SGCD: variants seen among roughly 807,000 people sequenced by gnomAD.
The protein encoded by SGCD is delta-sarcoglycan.
Under a neutral mutation model 36.6 loss-of-function variants are expected in SGCD, and 18 were observed. The ratio of observed to expected loss-of-function variants is 0.49; its 90% confidence interval spans 0.34 to 0.73. The LOEUF (loss-of-function observed/expected upper bound fraction) is 0.73, where lower values mean the gene tolerates loss of function less well. Among genes scored for constraint, SGCD ranks in the 30% least tolerant of loss-of-function variants. The probability of loss-of-function intolerance (pLI) is 0.01; values close to 1 mark genes in which losing one functional copy is unlikely to be tolerated. For synonymous variants in SGCD, 133 were observed against 130.6 expected (o/e 1.02, Z -0.12); for missense variants, 387 against 346.7 (o/e 1.12, Z -0.92).
chr5:156,564,796 G>A (rs145697232), intron 4 of SGCD, among the ~76,000 whole-genome samples: 40 of 152,114 alleles, frequency 2.6e-4, no homozygotes, highest in African/African-American at 8.9e-4. Flanking sequence ...GTCCTCAAAG[G>A]TTCTTCCATG....
intron 3 of SGCD, among the ~76,000 whole-genome samples, chr5:156,416,185 T>G (rs767746653): frequency 8.5e-5 from 13 of 152,162 alleles, no homozygotes; most frequent in Non-Finnish European, 1.6e-4. Context: ...ACTACTCAGT[T>G]GTAAAAAGGA....
the SGCD span, among the ~76,000 whole-genome samples, chr5:155,843,651 G>T: frequency 1.3e-5 from 2 of 152,178 alleles, no homozygotes; most frequent in Non-Finnish European, 1.5e-5. Flanking sequence ...CCTGTGGCAA[G>T]AACAATATAG....
intron 3 of SGCD, among the ~76,000 whole-genome samples, chr5:156,244,580 T>G (rs1325713838): frequency 6.6e-6 from 1 of 152,204 alleles, no homozygotes; most frequent in Non-Finnish European, 1.5e-5. Flanking sequence ...GTTTGTTTGT[T>G]TTTTAAAGTT....
intron 1 of SGCD, among the ~76,000 whole-genome samples, chr5:155,946,703 T>C (rs1333584133): frequency 1.3e-5 from 2 of 152,180 alleles, no homozygotes; most frequent in Non-Finnish European, 2.9e-5. Context: ...AATAATCTTG[T>C]GAAATTCCTC....
intron 6 of SGCD, among the ~76,000 whole-genome samples, chr5:156,643,997 CATAATT>C (rs1763138185): frequency 6.6e-6 from 1 of 152,064 alleles, no homozygotes; most frequent in Non-Finnish European, 1.5e-5. Context: ...AAGCACTAAT[CATAATT>C]ATATCAATAT....
chr5:156,098,081 G>C (rs148070549), intron 1 of SGCD, among the ~76,000 whole-genome samples: 146 of 152,248 alleles, frequency 9.6e-4, no homozygotes, highest in African/African-American at 3.2e-3. Context: ...TCTCTTACAG[G>C]CACCCCCTAC....
chr5:155,760,268 C>T, the SGCD span, among the ~76,000 whole-genome samples: 2 of 138,814 alleles, frequency 1.4e-5, no homozygotes, highest in African/African-American at 2.7e-5. Context: ...TCATCCTCAG[C>T]ATCACCCTCT....
At chr5:156,584,249 T>C (rs1581208504) in intron 4 of SGCD, among the ~76,000 whole-genome samples, 1 of 152,278 alleles carries the variant, frequency 6.6e-6, no homozygotes, top group East Asian at 1.9e-4. Context: ...AAAATGTCTC[T>C]CCCCTAACAA....
chr5:155,980,229 CACTG>C (rs1276292225), intron 1 of SGCD, among the ~76,000 whole-genome samples: 5 of 152,108 alleles, frequency 3.3e-5, no homozygotes, highest in Non-Finnish European at 4.4e-5. Context: ...TGGCAGCCCA[CACTG>C]ACTAAGACAG....
chr5:156,305,103 G>A (rs1767168565), intron 3 of SGCD, among the ~76,000 whole-genome samples: 1 of 152,176 alleles, frequency 6.6e-6, no homozygotes, highest in Admixed American at 6.5e-5. Context: ...TTCTTGAGGA[G>A]ACATTCAAGC....
chr5:156,384,772 T>C (rs1257763418), intron 3 of SGCD, among the ~76,000 whole-genome samples: 1 of 152,232 alleles, frequency 6.6e-6, no homozygotes, highest in East Asian at 1.9e-4. Context: ...TGTTCTCTAA[T>C]GCAACACTAT....
chr5:155,768,774 C>T, the SGCD span, among the ~76,000 whole-genome samples: 9 of 152,122 alleles, frequency 5.9e-5, no homozygotes, highest in Admixed American at 3.9e-4. Flanking sequence ...TCAAAAATTC[C>T]TCTTGTTTTA....
At chr5:156,102,632 T>A (rs1048329155) in intron 1 of SGCD, among the ~76,000 whole-genome samples, 2 of 152,202 alleles carry the variant, frequency 1.3e-5, no homozygotes, top group African/African-American at 4.8e-5. Context: ...TAAACCAGTG[T>A]TGATGACTAT....
intron 3 of SGCD, among the ~76,000 whole-genome samples, chr5:156,254,038 A>G (rs2127662222): frequency 6.6e-6 from 1 of 152,316 alleles, no homozygotes; most frequent in African/African-American, 2.4e-5. Context: ...ATAAACAATT[A>G]TATCATCGCA....
intron 3 of SGCD, among the ~76,000 whole-genome samples, chr5:156,263,504 G>A (rs1303842495): frequency 2.6e-5 from 4 of 151,858 alleles, no homozygotes; most frequent in Middle Eastern, 3.4e-3. Context: ...GTCTGTTGTC[G>A]AATGCATAGG....
At chr5:156,159,811 C>A (rs1247222497) in intron 3 of SGCD, among the ~76,000 whole-genome samples, 9 of 151,504 alleles carry the variant, frequency 5.9e-5, no homozygotes, top group Non-Finnish European at 1.3e-4. Context: ...ATATTGTAAG[C>A]ATTTTTCTTG....
chr5:156,486,413 G>T (rs1224681181), intron 3 of SGCD, among the ~76,000 whole-genome samples: 1 of 152,132 alleles, frequency 6.6e-6, no homozygotes, highest in Non-Finnish European at 1.5e-5. Flanking sequence ...CCTGCCTCCT[G>T]CAGTAGCAGA....
At chr5:156,519,801 A>G (rs1349396969) in intron 4 of SGCD, among the ~76,000 whole-genome samples, 29 of 152,232 alleles carry the variant, frequency 1.9e-4, no homozygotes, top group Non-Finnish European at 1.5e-5. Flanking sequence ...AAGGCCTTCA[A>G]TAAAATTCAA....
intron 7 of SGCD, among the ~76,000 whole-genome samples, chr5:156,706,642 G>T (rs1261003119): frequency 6.6e-6 from 1 of 152,082 alleles, no homozygotes; most frequent in Non-Finnish European, 1.5e-5. Context: ...AGAGGGTAGA[G>T]AATATATGTT....
Sources: gnomAD v4.1 joint callset for allele counts (sites outside exome capture counted in the v4.1 genomes callset) on GRCh38, gnomAD v4.1.1 for gene constraint, MANE v1.5 for transcripts, NCBI Gene and HGNC (gene_info 2026-07-23, HGNC 2026-07-21) for gene names.